SFTPA2: variants seen among roughly 807,000 people sequenced by gnomAD.
The protein encoded by SFTPA2 is pulmonary surfactant-associated protein A2.
A neutral mutation model predicts 20.3 loss-of-function variants in SFTPA2; 21 were observed. That is an observed-to-expected ratio of 1.03 (90% CI 0.73 to 1.49). The LOEUF (loss-of-function observed/expected upper bound fraction) is 1.49. Ranked by LOEUF, SFTPA2 falls within the 40% of genes most tolerant of loss-of-function variation. The pLI, the probability that SFTPA2 is intolerant of heterozygous loss-of-function variation, is 0.00. For missense variants in SFTPA2, 302 were observed against 314.8 expected, an observed-to-expected ratio of 0.96 and a Z score of 0.31; for synonymous variants, 116 against 118.7, an observed-to-expected ratio of 0.98 and a Z score of 0.15.
At chr10:79,559,259 C>T (rs1466289567) in intron 3 of SFTPA2, 53 bp downstream of exon 3, 1 of 1,611,788 alleles carries the variant, frequency 6.2e-7, no homozygotes, top group East Asian at 2.2e-5. Context: ...AGATGGGCCT[C>T]CTGAAAAGGG....
Position 79,556,736 on chromosome 10 carries a change from T to G in SFTPA2, c.*473A>C, listed in dbSNP as rs878902451. On this transcript the variant is annotated 3_prime_UTR_variant, in exon 6 of 6. Coordinates refer to ENST00000372325, the MANE Select transcript of SFTPA2 (RefSeq NM_001098668.4). ...TAGCTCCACACAGTCAGGGCTTCCC[T>G]GAAATCTGCCTCTCTCTGTCATTAT... 1 of 228,324 alleles carries G rather than the reference T, an allele frequency of 4.4e-6. No homozygotes were observed. The highest frequency in any genetic ancestry group is 1.1e-4 in the East Asian group (1 of 8,800). 14.1% of individuals were successfully genotyped at this position (228,324 alleles called of 1,614,324 possible).
Position 79,558,039 on chromosome 10 carries a change from G to T in SFTPA2, c.370+13C>A, listed in dbSNP as rs766645552. 5 of 1,613,926 alleles carry T rather than the reference G, an allele frequency of 3.1e-6. No homozygotes were observed. In the African/African-American group the frequency reaches 6.7e-5, roughly 22 times the overall value. ...GAAACTCCTACCCCGTGAGGCCCAG[G>T]GGGTCCCCTTACCTCCCCTTGTCTG... On this transcript the variant is annotated intron_variant, in intron 5 of 5. Coordinates refer to ENST00000372325, the MANE Select transcript of SFTPA2 (RefSeq NM_001098668.4).
rs546396794 is a variant in SFTPA2, at chr10:79,556,516, C to T, written c.*693G>A. 1.3e-5 allele frequency: 2 copies of T among 154,398 alleles called. No homozygotes were observed. Among genetic ancestry groups the T allele is most frequent in the East Asian group, 1.9e-4 (1 of 5,218 alleles). 9.6% of individuals were successfully genotyped at this position (154,398 alleles called of 1,614,324 possible). A position where few individuals can be genotyped will look rare whatever the true frequency, so the allele number is the denominator to read the frequency against. ...GCAGTGGGGGGCTCTTCCCTAGAGG[C>T]CTTGGCCGGCTGCCTCCAGGTCAGG... On this transcript the variant is annotated 3_prime_UTR_variant, in exon 6 of 6. Transcript: ENST00000372325.
At chr10:79,560,124 CCCCTGCTTAGG>C in intron 1 of SFTPA2, 126 bp from the exon 2 acceptor site, 1 of 704,764 alleles carries the variant, frequency 1.4e-6, no homozygotes, top group Non-Finnish European at 1.8e-6. Context: ...TCTCCCACTC[CCCCTGCTTAGG>C]CCCTGCTGAG....
chr10:79,557,933 C>T, intron 5 of SFTPA2, 119 bp downstream of exon 5: 2 of 1,514,482 alleles, frequency 1.3e-6, no homozygotes, highest in Non-Finnish European at 1.8e-6. Flanking sequence ...AGCATCATTC[C>T]TTTCCCCAAC....
At chr10:79,558,020 C>T in intron 5 of SFTPA2, 32 bp downstream of exon 5, 1 of 1,613,982 alleles carries the variant, frequency 6.2e-7, no homozygotes, top group Non-Finnish European at 8.5e-7. Flanking sequence ...GTGGGAAACT[C>T]CTACCCCGTG....
chr10:79,558,891 G>T lies in SFTPA2; in HGVS notation c.287C>A (p.Pro96His), dbSNP rs1234789942. Residue 96 changes from proline (P) to histidine (H), a missense_variant, in exon 4 of 6, where the codon CCT (proline) becomes CAT (histidine). Coordinates refer to ENST00000372325, the MANE Select transcript of SFTPA2 (RefSeq NM_001098668.4). ...GEKGEAGERGPPGLPAHLDEE... is the reference protein window; with the variant it reads ...GEKGEAGERGHPGLPAHLDEE... The stretch of plus-strand genomic sequence containing the variant: ...ACCTGCCCCGCCCTGCTCACCTGGA[G>T]GGCCTCTCTCGCCAGCCTCCCCCTT... 26 of 1,613,990 alleles carry T rather than the reference G, an allele frequency of 1.6e-5. No individual in the cohort carries two copies. The highest frequency in any genetic ancestry group is 1.9e-5 in the Non-Finnish European group (22 of 1,180,028).
Position 79,557,000 on chromosome 10 carries a change from T to G in SFTPA2, c.*209A>C. ...CCTGGGGTGCAGTGCTGGGATGGTT[T>G]GCAAGGGGAGTGTCAAGGCTGGTCA... On this transcript the variant is annotated 3_prime_UTR_variant, in exon 6 of 6. Transcript: ENST00000372325. 1 of 887,860 alleles carries G rather than the reference T, an allele frequency of 1.1e-6. No individual in the cohort carries two copies. Among genetic ancestry groups the G allele is most frequent in the Non-Finnish European group, 1.7e-6 (1 of 589,824 alleles). 55.0% of individuals were successfully genotyped at this position (887,860 alleles called of 1,614,324 possible).
At chr10:79,557,632 A>C in intron 5 of SFTPA2, 47 bp from the exon 6 acceptor site, 10 of 1,605,496 alleles carry the variant, frequency 6.2e-6, no homozygotes, top group Non-Finnish European at 8.5e-6. Flanking sequence ...CTTTGTCTCT[A>C]AGCCACCTCC....
At chr10:79,557,951 T>C (rs1006068009) in intron 5 of SFTPA2, 101 bp downstream of exon 5, 15 of 1,565,050 alleles carry the variant, frequency 9.6e-6, no homozygotes, top group African/African-American at 2.7e-5. Flanking sequence ...AACACCTGCA[T>C]GTGCACGCTT....
rs1859033919 is a variant in SFTPA2, at chr10:79,559,331, T to C, written c.153A>G (p.Lys51=). 1.2e-6 allele frequency: 2 copies of C among 1,613,678 alleles called. No individual in the cohort carries two copies. Among genetic ancestry groups the C allele is most frequent in the African/African-American group, 2.7e-5 (2 of 74,874 alleles). ...CAGTACCTGGAGGGCCAGGGTCTCC[T>C]TTGACACCATCTCTCCCGTCCCTGC... ...LPGRDGRDGV[K]GDPGPPGPMG... The change falls in exon 3 of 6, where the codon AAA becomes AAG. Residue 51 remains lysine (K), a synonymous_variant. Transcript: ENST00000372325.
Position 79,558,117 on chromosome 10 carries a change from T to A in SFTPA2, c.305A>T (p.His102Leu), listed in dbSNP as rs1033634738. The part of the protein sequence containing the change: ...GERGPPGLPA[H>L]LDEELQATLH... ...TGTGGCTTGGAGCTCCTCATCTAGA[T>A]GAGCTGGAAGCCCTGTGGAGAGTGC... Residue 102 changes from histidine to leucine, a missense_variant, in exon 5 of 6, where the codon CAT (histidine) becomes CTT (leucine). Around this residue, in one of 3 missense-constraint regions of SFTPA2, gnomAD observed 264 missense variants for 261.7 expected, o/e 1.01. Coordinates refer to ENST00000372325, the MANE Select transcript of SFTPA2 (RefSeq NM_001098668.4). The A allele has an allele frequency of 2.3e-5, 37 of 1,614,036 alleles. No homozygotes were observed. The highest frequency in any genetic ancestry group is 3.1e-5 in the Non-Finnish European group (37 of 1,179,994).
rs1859002920 is a variant in SFTPA2, at chr10:79,558,974, A to G, written c.204T>C (p.Cys68=). The change falls in exon 4 of 6, where the codon TGT becomes TGC. Residue 68 remains cysteine, a synonymous_variant. Coordinates refer to ENST00000372325, the MANE Select transcript of SFTPA2 (RefSeq NM_001098668.4). Reference sequence around the variant, plus strand: ...CAGGCAGCCCATTATTCCCAGGAGGACATGGTGTTTCTCCAGGCGGACCCA... The same window carrying G: ...CAGGCAGCCCATTATTCCCAGGAGGGCATGGTGTTTCTCCAGGCGGACCCA... ...GPMGPPGETP[C]PPGNNGLPGA... 4 of 1,614,158 alleles carry G rather than the reference A, an allele frequency of 2.5e-6. No individual in the cohort carries two copies. In the South Asian group the frequency reaches 4.4e-5, roughly 18 times the overall value.
chr10:79,558,148 A>C lies in SFTPA2; in HGVS notation c.293-19T>G. 3 of 1,613,778 alleles carry C rather than the reference A, an allele frequency of 1.9e-6. No individual in the cohort carries two copies. The highest frequency in any genetic ancestry group is 2.5e-6 in the Non-Finnish European group (3 of 1,179,896). ...GGAAGCCCTGTGGAGAGTGCCCCAC[A>C]CAGAAGGAGGGGCAGGCCAGTGAAG... On this transcript the variant is annotated intron_variant, in intron 4 of 5. Transcript: ENST00000372325.
rs945508348 is a variant in SFTPA2 at position 79,556,855 on chromosome 10, C to T, written c.*354G>A. 6 of 418,034 alleles carry T rather than the reference C, an allele frequency of 1.4e-5. No homozygotes were observed. Among genetic ancestry groups the T allele is most frequent in the African/African-American group, 8.0e-5 (4 of 49,692 alleles). 25.9% of individuals were successfully genotyped at this position (418,034 alleles called of 1,614,324 possible). On this transcript the variant is annotated 3_prime_UTR_variant, in exon 6 of 6. Coordinates refer to ENST00000372325, the MANE Select transcript of SFTPA2 (RefSeq NM_001098668.4). ...ACCAGGAGGCAGGCACTCTGTGTGA[C>T]TTTGGAGGATCCTTCTACCCCAAGG...
rs1858825141 is a variant in SFTPA2 at position 79,557,062 on chromosome 10, T to C, written c.*147A>G. On this transcript the variant is annotated 3_prime_UTR_variant, in exon 6 of 6. Coordinates refer to ENST00000372325, the MANE Select transcript of SFTPA2 (RefSeq NM_001098668.4). Reference sequence around the variant, plus strand: ...GAAGAGTCAGGGCCCATCAGGGGAATGAAGTGGCTAAGGGTGCCTCCAGCT... The same window carrying C: ...GAAGAGTCAGGGCCCATCAGGGGAACGAAGTGGCTAAGGGTGCCTCCAGCT... The C allele has an allele frequency of 2.2e-6, 3 of 1,340,986 alleles. No homozygotes were observed. Among genetic ancestry groups the C allele is most frequent in the East Asian group, 2.4e-5 (1 of 40,844 alleles). 83.1% of individuals were successfully genotyped at this position (1,340,986 alleles called of 1,614,324 possible).
chr10:79,559,144 C>G, intron 3 of SFTPA2, 139 bp from the exon 4 acceptor site: 1 of 1,577,270 alleles, frequency 6.3e-7, no homozygotes, highest in Non-Finnish European at 8.7e-7. Context: ...CTCCAGGATG[C>G]GCCATCATAA....
chr10:79,558,574 C>T (rs1858951417), intron 4 of SFTPA2, among the ~76,000 whole-genome samples: 1 of 152,096 alleles, frequency 6.6e-6, no homozygotes, highest in Non-Finnish European at 1.5e-5. Context: ...CTTCAGACTG[C>T]CCCCAGGGCC....
chr10:79,558,625 C>T (rs1183496531), intron 4 of SFTPA2, among the ~76,000 whole-genome samples: 2 of 152,176 alleles, frequency 1.3e-5, no homozygotes, highest in South Asian at 2.1e-4. Flanking sequence ...CAGTGCTGTC[C>T]CTCGTCCCAC....
Sources: allele counts gnomAD v4.1 joint callset (sites outside exome capture counted in the v4.1 genomes callset), GRCh38; gene constraint gnomAD v4.1.1; regional missense constraint gnomAD v4.1.1; transcripts MANE v1.5; gene names NCBI Gene and HGNC (gene_info 2026-07-23, HGNC 2026-07-21).